The following SYNE1 variants were observed in gnomAD, a reference collection of about 807,000 sequenced individuals.
SYNE1 encodes the protein spectrin repeat containing nuclear envelope protein 1.
Under a neutral mutation model 1,111.0 loss-of-function variants are expected in SYNE1, and 616 were observed. That is an observed-to-expected ratio of 0.55 (90% CI 0.52 to 0.59). The LOEUF (loss-of-function observed/expected upper bound fraction) is 0.59, where lower values mean the gene tolerates loss of function less well. Ranked by LOEUF, SYNE1 falls within the 20% of genes least tolerant of loss-of-function variation. The pLI is 0.00. For missense variants in SYNE1, 10,006 were observed against 10,417.0 expected, an observed-to-expected ratio of 0.96 and a Z score of 1.72; for synonymous variants, 3,855 against 3,825.8, an observed-to-expected ratio of 1.01 and a Z score of -0.28.
intron 65 of SYNE1, 130 bp from the exon 66 acceptor site, chr6:152,358,667 G>A: frequency 1.2e-6 from 1 of 818,654 alleles, no homozygotes; most frequent in Non-Finnish European, 1.9e-6. Flanking sequence ...TTATTTCCTA[G>A]AATCATGAAT....
chr6:152,549,004 C>A (rs1207837960), intron 3 of SYNE1, among the ~76,000 whole-genome samples: 1 of 152,190 alleles, frequency 6.6e-6, no homozygotes, highest in Non-Finnish European at 1.5e-5. Context: ...ATGTTTCCAT[C>A]TGTGGAAGAA....
At chr6:152,408,368 A>C (rs191932598) in intron 44 of SYNE1, among the ~76,000 whole-genome samples, 1 of 152,354 alleles carries the variant, frequency 6.6e-6, no homozygotes, top group East Asian at 1.9e-4. Context: ...GTAAATTACA[A>C]GTGCAATGTT....
chr6:152,523,794 T>C (rs1389102997), intron 5 of SYNE1, among the ~76,000 whole-genome samples: 1 of 152,130 alleles, frequency 6.6e-6, no homozygotes, highest in Non-Finnish European at 1.5e-5. Flanking sequence ...TTCCTAGATA[T>C]TTTTTGCAGC....
At chr6:152,166,003 G>A (rs557749555) in intron 130 of SYNE1, among the ~76,000 whole-genome samples, 123 of 152,328 alleles carry the variant, frequency 8.1e-4, no homozygotes, top group Middle Eastern at 6.8e-3. Context: ...AGAGAGGTCC[G>A]TCCTGCTTTT....
intron 55 of SYNE1, among the ~76,000 whole-genome samples, chr6:152,382,837 T>C (rs1349655281): frequency 2.6e-5 from 4 of 152,226 alleles, no homozygotes; most frequent in African/African-American, 7.2e-5. Context: ...ATCAGAAATC[T>C]AGTCATTCAG....
intron 19 of SYNE1, 24 bp from the exon 20 acceptor site, chr6:152,462,914 A>G (rs770550550): frequency 4.3e-6 from 7 of 1,613,484 alleles, no homozygotes; most frequent in Non-Finnish European, 5.9e-6. Context: ...GGAGGAGGGA[A>G]CATCGTGAAA....
chr6:152,364,992 CTT>C lies in SYNE1; in HGVS notation c.9998_9999del (p.Lys3333ArgfsTer48). 6.2e-7 allele frequency: 1 copy of C among 1,614,220 alleles called. No individual in the cohort carries two copies. The highest frequency in any genetic ancestry group is 8.5e-7 in the Non-Finnish European group (1 of 1,180,040). Reference sequence around the variant, plus strand: ...GTCACTATCATTTTCATCTGAATCTCTTTTTCCTGTTTGACTGATAATAGAGC... The same window carrying C: ...GTCACTATCATTTTCATCTGAATCTCTTTCCTGTTTGACTGATAATAGAGC... ...LEALLSVKQE[K>X]EIQMKMIVTR... On this transcript the variant is annotated frameshift_variant, in exon 63 of 146. Transcript: ENST00000367255. LOFTEE classifies it high-confidence loss of function.
rs773598537 is a variant in SYNE1 at position 152,254,244 on chromosome 6, C to CTTTTTTTT, written c.19470+628_19470+635dup. Among the ~76,000 whole-genome samples, 110 of 73,166 alleles carry CTTTTTTTT rather than the reference C, an allele frequency of 1.5e-3. 3 individuals carry two copies. The highest frequency in any genetic ancestry group is 2.0e-3 in the East Asian group (4 of 1,998). 48.0% of individuals were successfully genotyped at this position (73,166 alleles called of 152,430 possible). A position where few individuals can be genotyped will look rare whatever the true frequency, so the allele number is the denominator to read the frequency against. Reference sequence around the variant, plus strand: ...TATATTCCAACACTTTCTGCATACTCTTTTTTTTTTTTTTTTTTTTTTTTT... The same window carrying CTTTTTTTT: ...TATATTCCAACACTTTCTGCATACTCTTTTTTTTTTTTTTTTTTTTTTTTTTTTTTTTT... On this transcript the variant is annotated intron_variant, in intron 104 of 145. Coordinates refer to ENST00000367255, the MANE Select transcript of SYNE1 (RefSeq NM_182961.4).
At chr6:152,472,878 G>A (rs1193982384) in intron 14 of SYNE1, among the ~76,000 whole-genome samples, 2 of 152,150 alleles carry the variant, frequency 1.3e-5, no homozygotes, top group African/African-American at 4.8e-5. Flanking sequence ...AGTGGTATTT[G>A]CTTGCCATCT....
At chr6:152,419,438 C>T (rs1406821465) in intron 40 of SYNE1, 131 bp downstream of exon 40, 5 of 1,011,720 alleles carry the variant, frequency 4.9e-6, no homozygotes, top group African/African-American at 1.7e-5. Context: ...ATTATTAAAA[C>T]ATTTTCATAT....
intron 70 of SYNE1, among the ~76,000 whole-genome samples, chr6:152,350,972 C>A (rs1410882202): frequency 1.3e-5 from 2 of 152,148 alleles, no homozygotes; most frequent in Non-Finnish European, 2.9e-5. Context: ...AGTCACACAT[C>A]AAATGGCCCT....
At chr6:152,317,025 C>G (rs996056027) in intron 86 of SYNE1, 39 bp from the exon 87 acceptor site, 4 of 1,611,096 alleles carry the variant, frequency 2.5e-6, no homozygotes, top group Non-Finnish European at 3.4e-6. Context: ...AATGTAAACT[C>G]CTCAGTTTCT....
At chr6:152,358,280 G>T in intron 66 of SYNE1, 93 bp downstream of exon 66, 1 of 1,551,086 alleles carries the variant, frequency 6.4e-7, no homozygotes, top group South Asian at 1.1e-5. Flanking sequence ...CTAGCCACTG[G>T]ACTCAAGGTT....
chr6:152,527,404 T>C (rs1003082967), intron 4 of SYNE1, among the ~76,000 whole-genome samples: 3 of 152,242 alleles, frequency 2.0e-5, no homozygotes, highest in African/African-American at 7.2e-5. Flanking sequence ...TTTTCATTTT[T>C]GATCATTCTC....
chr6:152,350,115 T>C, intron 72 of SYNE1, 53 bp downstream of exon 72: 1 of 1,609,526 alleles, frequency 6.2e-7, no homozygotes, highest in Non-Finnish European at 8.5e-7. Context: ...GACACATGCG[T>C]ACACACACTG....
chr6:152,573,331 C>G (rs1595621036), intron 3 of SYNE1, among the ~76,000 whole-genome samples: 1 of 97,706 alleles, frequency 1.0e-5, no homozygotes, highest in Non-Finnish European at 2.0e-5. Flanking sequence ...ATCCCCCCCC[C>G]TCCCCCCACC....
intron 48 of SYNE1, among the ~76,000 whole-genome samples, chr6:152,399,252 G>A (rs937462630): frequency 6.6e-6 from 1 of 152,094 alleles, no homozygotes; most frequent in Non-Finnish European, 1.5e-5. Context: ...AGTTTATTGT[G>A]TCACTTCATC....
At chr6:152,441,360 G>A (rs1374242834) in intron 31 of SYNE1, 90 bp from the exon 32 acceptor site, 6 of 1,380,670 alleles carry the variant, frequency 4.3e-6, no homozygotes, top group Middle Eastern at 2.5e-4. Flanking sequence ...TCAACTTTCA[G>A]CGAATTCTCA....
chr6:152,529,044 AGTGGCT>A (rs1412364773), intron 4 of SYNE1, among the ~76,000 whole-genome samples: 1 of 152,170 alleles, frequency 6.6e-6, no homozygotes, highest in Non-Finnish European at 1.5e-5. Context: ...TCCCATAGGT[AGTGGCT>A]GTGAATATTA....
Sources: gnomAD v4.1 joint callset for allele counts (sites outside exome capture counted in the v4.1 genomes callset) on GRCh38, gnomAD v4.1.1 for gene constraint, MANE v1.5 for transcripts, NCBI Gene and HGNC (gene_info 2026-07-23, HGNC 2026-07-21) for gene names.